Variants in ASPG observed in about 807,000 individuals in gnomAD.
ASPG encodes 60 kDa lysophospholipase.
Under a neutral mutation model 63.2 loss-of-function variants are expected in ASPG, and 53 were observed. That is an observed-to-expected ratio of 0.84 (90% CI 0.67 to 1.05). ASPG has a LOEUF of 1.05. Among genes scored for constraint, ASPG ranks in the 50% least tolerant of loss-of-function variants. ASPG has a pLI of 0.00. For missense variants in ASPG, 741 were observed against 794.4 expected (o/e 0.93, Z 0.81); for synonymous variants, 370 against 355.0 (o/e 1.04, Z -0.48).
At chr14:104,104,508 C>T (rs2037028881) in intron 8 of ASPG, 22 bp downstream of exon 8, 1 of 1,607,808 alleles carries the variant, frequency 6.2e-7, no homozygotes, top group East Asian at 2.2e-5. Flanking sequence ...AGATCAGGGC[C>T]TAGCGGGGAA....
At chr14:104,098,097 T>G (rs1445881126) in intron 5 of ASPG, among the ~76,000 whole-genome samples, 1 of 128,666 alleles carries the variant, frequency 7.8e-6, no homozygotes, top group African/African-American at 2.9e-5. Context: ...CGTATGGAGG[T>G]TCTGCGTTAG....
intron 1 of ASPG, 117 bp from the exon 2 acceptor site, chr14:104,092,516 G>A (rs923737078): frequency 3.5e-6 from 3 of 857,430 alleles, no homozygotes; most frequent in Non-Finnish European, 1.8e-6. Context: ...CCCAGCCTCT[G>A]ACTGTCATAA....
Position 104,106,796 on chromosome 14 carries a change from T to G in ASPG, c.1174-3T>G. The G allele has an allele frequency of 6.3e-7, 1 of 1,590,964 alleles. No individual in the cohort carries two copies. On this transcript the variant is annotated splice_region_variant and splice_polypyrimidine_tract_variant and intron_variant, in intron 10 of 15. Transcript: ENST00000551177. ...GTCCCAGGGTGCCGCCTTCCCCACC[T>G]AGGAGGCAGATGCCCTGCGGAATGC...
chr14:104,092,938 CCTGGT>C, intron 2 of ASPG, 197 bp downstream of exon 2: 1 of 581,200 alleles, frequency 1.7e-6, no homozygotes. Flanking sequence ...GTGCCCCGTG[CCTGGT>C]CCCACCTTCC....
In ASPG at chr14:104,093,658, G is replaced by A. The variant is rs1330361728; in HGVS notation, c.303+56G>A. ...TGTGGTGTGTGGGTGGGGCTGAGGTGTGTGGGTGGGGCTGTGGTGTGTGGG... is the reference window on the plus strand; with the variant it reads ...TGTGGTGTGTGGGTGGGGCTGAGGTATGTGGGTGGGGCTGTGGTGTGTGGG... On this transcript the variant is annotated intron_variant, in intron 3 of 15. Transcript: ENST00000551177. The A allele has an allele frequency of 9.1e-6, 8 of 877,186 alleles. No individual in the cohort carries two copies. Among genetic ancestry groups the A allele is most frequent in the South Asian group, 8.3e-5 (3 of 35,938 alleles). 54.3% of individuals were successfully genotyped at this position (877,186 alleles called of 1,614,324 possible).
chr14:104,090,134 GAGAGA>G (rs1204500677), intron 1 of ASPG, among the ~76,000 whole-genome samples: 1 of 152,172 alleles, frequency 6.6e-6, no homozygotes, highest in Non-Finnish European at 1.5e-5. Flanking sequence ...TGTTTTGCTT[GAGAGA>G]AGAGGACACC....
intron 9 of ASPG, chr14:104,105,020 T>A: frequency 1.7e-6 from 1 of 577,364 alleles, no homozygotes; most frequent in Non-Finnish European, 3.1e-6. Context: ...GGAAATCCTC[T>A]CCTGCTCTCC....
intron 7 of ASPG, 41 bp downstream of exon 7, chr14:104,103,716 C>G (rs1204393560): frequency 2.0e-6 from 3 of 1,510,456 alleles, no homozygotes; most frequent in Non-Finnish European, 2.7e-6. Context: ...CAGCCCTGAG[C>G]CCCAGCCCTC....
rs780834654 is a variant in ASPG, at chr14:104,104,647, C to T, written c.962C>T (p.Ser321Leu). ...GMAMAGAGVI[S>L]GFDMTSEAAL... ...GCCATGGCGGGAGCCGGCGTCATCTCAGGCTTCGACATGACATCGGAGGCC... is the reference window on the plus strand; with the variant it reads ...GCCATGGCGGGAGCCGGCGTCATCTTAGGCTTCGACATGACATCGGAGGCC... Residue 321 changes from serine (S) to leucine (L), a missense_variant, in exon 9 of 16, where the codon TCA becomes TTA. By Grantham distance (145) the Ser-to-Leu change is moderately radical. Coordinates refer to ENST00000551177, the MANE Select transcript of ASPG (RefSeq NM_001080464.3). 5 of 1,610,584 alleles carry T rather than the reference C, an allele frequency of 3.1e-6. No individual in the cohort carries two copies. In the African/African-American group the frequency reaches 6.7e-5, roughly 21 times the overall value.
At chr14:104,092,332 G>A (rs764399502) in intron 1 of ASPG, among the ~76,000 whole-genome samples, 19 of 152,190 alleles carry the variant, frequency 1.2e-4, no homozygotes, top group Non-Finnish European at 2.5e-4. Flanking sequence ...AGAAGGAGGT[G>A]GGAGCAGGGG....
intron 3 of ASPG, among the ~76,000 whole-genome samples, chr14:104,094,736 G>A (rs56058905): frequency 6.6e-6 from 1 of 152,208 alleles, no homozygotes; most frequent in Non-Finnish European, 1.5e-5. Flanking sequence ...GCTGCCCTGC[G>A]GTCCTTGCTG....
intron 6 of ASPG, among the ~76,000 whole-genome samples, chr14:104,102,331 G>A (rs1186506398): frequency 6.6e-6 from 1 of 152,036 alleles, no homozygotes; most frequent in Non-Finnish European, 1.5e-5. Context: ...CACCATGCCA[G>A]GAAAGTCCTT....
intron 1 of ASPG, among the ~76,000 whole-genome samples, chr14:104,089,347 C>T (rs1331230103): frequency 1.3e-5 from 2 of 150,576 alleles, no homozygotes; most frequent in Non-Finnish European, 2.9e-5. Context: ...AACCCTGTCT[C>T]TACTAAAAAT....
intron 1 of ASPG, among the ~76,000 whole-genome samples, chr14:104,087,270 A>C (rs900312286): frequency 6.6e-6 from 1 of 152,198 alleles, no homozygotes; most frequent in Non-Finnish European, 1.5e-5. Context: ...CAGCTTGGCA[A>C]ACGCCCCTGT....
In ASPG at chr14:104,113,011, C is replaced by T. The variant is rs2037420960; in HGVS notation, c.*467C>T. On this transcript the variant is annotated 3_prime_UTR_variant, in exon 16 of 16. Coordinates refer to ENST00000551177, the MANE Select transcript of ASPG (RefSeq NM_001080464.3). ...CGCCTTCATTCTGGAGCTTGAAGTC[C>T]CCTCCCCCAGGCAGCCCTCCAACCC... is the stretch of plus-strand genomic sequence containing the variant. The T allele has an allele frequency of 4.5e-6, 1 of 221,218 alleles. No homozygotes were observed. Among genetic ancestry groups the T allele is most frequent in the Admixed American group, 5.2e-5 (1 of 19,138 alleles). The allele number at this position is 221,218 out of a possible 1,614,324, so 13.7% of individuals were successfully genotyped here.
In ASPG at chr14:104,109,704, G is replaced by A. The variant is rs143060260; in HGVS notation, c.1520+389G>A. On this transcript the variant is annotated intron_variant, in intron 13 of 15. Coordinates refer to ENST00000551177, the MANE Select transcript of ASPG (RefSeq NM_001080464.3). This position sits in a 1 kb window ranked among gnomAD's most constrained non-coding sequence, Gnocchi z 4.8. ...GGTGGCTGGGGCTGCATTTGGGGAG[G>A]TTGGGGCAGGTGGGGCACAGAGGAG... 1.7e-3 allele frequency among the ~76,000 whole-genome samples: 250 copies of A among 150,562 alleles called. No homozygotes were observed. Among genetic ancestry groups the A allele is most frequent in the African/African-American group, 5.9e-3 (241 of 40,828 alleles).
intron 1 of ASPG, among the ~76,000 whole-genome samples, chr14:104,089,551 C>T (rs997746183): frequency 2.0e-5 from 3 of 151,920 alleles, no homozygotes; most frequent in Admixed American, 6.6e-5. Context: ...CCACTACATA[C>T]CTGTTAGAAT....
intron 6 of ASPG, among the ~76,000 whole-genome samples, chr14:104,100,426 G>A (rs990375652): frequency 2.6e-5 from 4 of 152,182 alleles, no homozygotes; most frequent in African/African-American, 9.7e-5. Flanking sequence ...GGGCCCCTCA[G>A]CAGGACAGGA....
chr14:104,108,548 TG>T (rs1273287108), intron 12 of ASPG: 4 of 985,158 alleles, frequency 4.1e-6, no homozygotes, highest in Admixed American at 1.2e-4. Context: ...AATGGGGTGA[TG>T]GGGGGATCTG....
Sources: gnomAD v4.1 joint callset for allele counts (sites outside exome capture counted in the v4.1 genomes callset) on GRCh38, gnomAD v4.1.1 for gene constraint, Gnocchi (gnomAD v3.1) non-coding constraint, MANE v1.5 for transcripts, NCBI Gene and HGNC (gene_info 2026-07-23, HGNC 2026-07-21) for gene names.